The following STK24 variants were observed in gnomAD, a reference collection of about 807,000 sequenced individuals.
STK24 encodes serine/threonine-protein kinase 24.
STK24 carries 21 observed loss-of-function variants against 55.6 expected under a neutral mutation model. That is an observed-to-expected ratio of 0.38 (90% confidence interval 0.27 to 0.54). The LOEUF (loss-of-function observed/expected upper bound fraction) is 0.54. STK24 is among the 20% of genes least tolerant of loss of function. The pLI is 0.79. For missense variants in STK24, 383 were observed against 538.4 expected, an observed-to-expected ratio of 0.71 and a Z score of 2.86; for synonymous variants, 200 against 215.2, an observed-to-expected ratio of 0.93 and a Z score of 0.62.
Position 98,519,414 on chromosome 13 carries a change from G to T in STK24, c.102C>A (p.Ser34=), listed in dbSNP as rs1387876677. The change falls in exon 2 of 11, where the codon TCC becomes TCA. Residue 34 remains serine (S), a synonymous_variant. Coordinates refer to ENST00000539966, the MANE Select transcript of STK24 (RefSeq NM_001032296.4). ...FTKLEKIGKG[S]FGEVFKGIDN... is the part of the protein sequence containing the mutation. ...CAATGCCTTTGAACACCTCTCCAAA[G>T]GAGCCCTTCCCAATTTTCTCTAGTT... The T allele has an allele frequency of 1.2e-6, 2 of 1,614,054 alleles. No homozygotes were observed. Among genetic ancestry groups the T allele is most frequent in the Non-Finnish European group, 1.7e-6 (2 of 1,180,046 alleles).
rs1892935283 is a variant in STK24, at chr13:98,447,642, C to G, written c.*5531G>C. ...CTCCAGACTTTACCAAATGGGACAGCATTGCACCCATTTGAGAAGCACCGG... is the reference window on the plus strand; with the variant it reads ...CTCCAGACTTTACCAAATGGGACAGGATTGCACCCATTTGAGAAGCACCGG... On this transcript the variant is annotated 3_prime_UTR_variant, in exon 11 of 11. Coordinates refer to ENST00000539966, the MANE Select transcript of STK24 (RefSeq NM_001032296.4). 1 of 153,498 alleles carries G rather than the reference C, an allele frequency of 6.5e-6. No individual in the cohort carries two copies. The highest frequency in any genetic ancestry group is 2.4e-5 in the African/African-American group (1 of 41,404). 9.5% of individuals were successfully genotyped at this position (153,498 alleles called of 1,614,324 possible).
chr13:98,524,881 C>A (rs1393703832), intron 1 of STK24, among the ~76,000 whole-genome samples: 1 of 152,220 alleles, frequency 6.6e-6, no homozygotes, highest in Non-Finnish European at 1.5e-5. Flanking sequence ...GGCACCTGTA[C>A]AATAAAGGGT....
chr13:98,519,947 C>T (rs914102249), intron 1 of STK24, among the ~76,000 whole-genome samples: 4 of 152,080 alleles, frequency 2.6e-5, no homozygotes, highest in Non-Finnish European at 5.9e-5. Context: ...AAACGTATAC[C>T]GTAACTATGC....
intron 1 of STK24, among the ~76,000 whole-genome samples, chr13:98,546,970 G>A (rs1265805936): frequency 6.6e-6 from 1 of 152,106 alleles, no homozygotes; most frequent in Non-Finnish European, 1.5e-5. Flanking sequence ...GGAGTGCAAT[G>A]GCACCATCTC....
At chr13:98,566,124 C>T (rs569635388) in intron 1 of STK24, among the ~76,000 whole-genome samples, 7 of 152,150 alleles carry the variant, frequency 4.6e-5, no homozygotes, top group African/African-American at 1.7e-4. Context: ...GTGCCAGGCA[C>T]GCTGCCAGCC....
chr13:98,446,676 C>A lies in STK24; in HGVS notation c.*6497G>T. 1.2e-6 allele frequency: 2 copies of A among 1,614,106 alleles called. No individual in the cohort carries two copies. The highest frequency in any genetic ancestry group is 1.1e-5 in the South Asian group (1 of 91,064). Reference sequence around the variant, plus strand: ...GTTTCCCCTTTCCAGGACAATCATCCCCTTGCCAGCCTGCCTCTGCTCGGC... The same window carrying A: ...GTTTCCCCTTTCCAGGACAATCATCACCTTGCCAGCCTGCCTCTGCTCGGC... On this transcript the variant is annotated 3_prime_UTR_variant, in exon 11 of 11. Coordinates refer to ENST00000539966, the MANE Select transcript of STK24 (RefSeq NM_001032296.4).
chr13:98,474,790 A>G (rs1426718626), intron 5 of STK24, 31 bp downstream of exon 5: 3 of 1,572,532 alleles, frequency 1.9e-6, no homozygotes, highest in Non-Finnish European at 2.6e-6. Flanking sequence ...AGGCCTCGTG[A>G]GGCACGGCGC....
chr13:98,481,231 C>T, intron 3 of STK24, among the ~76,000 whole-genome samples: 1 of 152,240 alleles, frequency 6.6e-6, no homozygotes, highest in Non-Finnish European at 1.5e-5. Flanking sequence ...TTCAGCTGTG[C>T]TCATGACATA....
At chr13:98,528,064 T>A (rs1447601419) in intron 1 of STK24, among the ~76,000 whole-genome samples, 1 of 151,992 alleles carries the variant, frequency 6.6e-6, no homozygotes, top group African/African-American at 2.4e-5. Flanking sequence ...GCCGTCTCCA[T>A]CAGGCTGACC....
At chr13:98,575,671 T>C (rs1192271247) in intron 1 of STK24, among the ~76,000 whole-genome samples, 5 of 152,206 alleles carry the variant, frequency 3.3e-5, no homozygotes, top group Middle Eastern at 3.2e-3. Flanking sequence ...TTGGTACCTG[T>C]AAATCAACCA....
intron 1 of STK24, among the ~76,000 whole-genome samples, chr13:98,568,288 C>T (rs1897641103): frequency 1.3e-5 from 2 of 152,204 alleles, no homozygotes; most frequent in African/African-American, 2.4e-5. Flanking sequence ...TGAGCCATCG[C>T]GCCGGGCCAG....
chr13:98,525,603 CTCGCCA>C (rs1896403923), intron 1 of STK24, among the ~76,000 whole-genome samples: 1 of 152,158 alleles, frequency 6.6e-6, no homozygotes, highest in East Asian at 1.9e-4. Context: ...TGGAGCCGGG[CTCGCCA>C]CCCCGGTATA....
At chr13:98,485,207 C>A (rs2139310026) in intron 2 of STK24, among the ~76,000 whole-genome samples, 1 of 152,284 alleles carries the variant, frequency 6.6e-6, no homozygotes, top group Non-Finnish European at 1.5e-5. Flanking sequence ...TCACGCAGAG[C>A]CAGCTGTGCA....
intron 6 of STK24, among the ~76,000 whole-genome samples, chr13:98,466,061 G>A (rs113827937): frequency 2.4e-4 from 36 of 152,272 alleles, no homozygotes; most frequent in Non-Finnish European, 4.0e-4. Flanking sequence ...TAAAAACAGT[G>A]TAACAGTTTA....
intron 1 of STK24, chr13:98,543,158 C>G (rs912127088): frequency 2.6e-5 from 8 of 303,064 alleles, no homozygotes; most frequent in African/African-American, 1.6e-4. Flanking sequence ...AAAATCCTCT[C>G]TATCCAAGTG....
chr13:98,521,036 G>T (rs1487398917), intron 1 of STK24, among the ~76,000 whole-genome samples: 2 of 152,172 alleles, frequency 1.3e-5, no homozygotes, highest in African/African-American at 4.8e-5. Context: ...AAGAGAGCAG[G>T]ACAGGCCAGA....
At chr13:98,574,545 G>T (rs754863941) in intron 1 of STK24, among the ~76,000 whole-genome samples, 4 of 152,126 alleles carry the variant, frequency 2.6e-5, no homozygotes, top group Admixed American at 6.5e-5. Flanking sequence ...TTTGTGGGGT[G>T]GGGGAGGAGA....
rs917426826 is a variant in STK24, at chr13:98,452,980, C to A, written c.*193G>T. The A allele has an allele frequency of 9.6e-5, 49 of 508,672 alleles. No individual in the cohort carries two copies. Among genetic ancestry groups the A allele is most frequent in the Non-Finnish European group, 1.6e-4 (45 of 290,134 alleles). The allele number at this position is 508,672 out of a possible 1,614,324, so 31.5% of individuals were successfully genotyped here. On this transcript the variant is annotated 3_prime_UTR_variant, in exon 11 of 11. Coordinates refer to ENST00000539966, the MANE Select transcript of STK24 (RefSeq NM_001032296.4). ...GCTGGAAGGAGCTGACCCTCCCCAC[C>A]CATCTGAGAGACTTCATCTGGCTGC...
At chr13:98,524,961 A>T (rs146705584) in intron 1 of STK24, among the ~76,000 whole-genome samples, 6 of 152,376 alleles carry the variant, frequency 3.9e-5, no homozygotes, top group African/African-American at 1.4e-4. Context: ...CAGCAGCTGT[A>T]GGCCAGGCTA....
Sources: allele counts gnomAD v4.1 joint callset (sites outside exome capture counted in the v4.1 genomes callset), GRCh38; gene constraint gnomAD v4.1.1; transcripts MANE v1.5; gene names NCBI Gene and HGNC (gene_info 2026-07-23, HGNC 2026-07-21).